The following UTP6 variants were observed in gnomAD, a reference collection of about 807,000 sequenced individuals.
UTP6 encodes UTP6 small subunit processome component.
UTP6 carries 60 observed loss-of-function variants against 96.5 expected under a neutral mutation model. The observed-to-expected ratio is 0.62, with a 90% CI of 0.51 to 0.77. The LOEUF (loss-of-function observed/expected upper bound fraction) is 0.77. UTP6 is among the 30% of genes least tolerant of loss of function. The probability of loss-of-function intolerance (pLI) is 0.00; values close to 1 mark genes in which losing one functional copy is unlikely to be tolerated. For missense variants in UTP6, 637 were observed against 706.5 expected (o/e 0.90, Z 1.12); for synonymous variants, 215 against 240.1 (o/e 0.90, Z 0.96).
intron 13 of UTP6, among the ~76,000 whole-genome samples, chr17:31,875,820 C>CAAAAAAAAA (rs1012799437): frequency 1.5e-5 from 1 of 65,810 alleles, no homozygotes; most frequent in African/African-American, 5.8e-5. Context: ...AACTCTATCT[C>CAAAAAAAAA]AAAAAAAAAA....
intron 6 of UTP6, among the ~76,000 whole-genome samples, chr17:31,890,854 G>A (rs1349037540): frequency 6.6e-6 from 1 of 151,536 alleles, no homozygotes; most frequent in African/African-American, 2.4e-5. Context: ...AGGCGTGGTG[G>A]TGCACATCTG....
intron 2 of UTP6, among the ~76,000 whole-genome samples, chr17:31,898,953 A>C (rs1317968017): frequency 6.7e-6 from 1 of 148,910 alleles, no homozygotes; most frequent in Non-Finnish European, 1.5e-5. Context: ...AATCACTAGA[A>C]CCCGGAAGGC....
At chr17:31,899,286 C>A (rs1904830919) in intron 2 of UTP6, among the ~76,000 whole-genome samples, 1 of 151,988 alleles carries the variant, frequency 6.6e-6, no homozygotes, top group Non-Finnish European at 1.5e-5. Flanking sequence ...GAAAGGCGAG[C>A]CCCTGCCTCA....
At position 31,892,787 on chromosome 17, in the gene UTP6, A is replaced by G; in HGVS notation, c.320T>C (p.Val107Ala). 6.2e-7 allele frequency: 1 copy of G among 1,614,154 alleles called. No homozygotes were observed. Among genetic ancestry groups the G allele is most frequent in the African/African-American group, 1.3e-5 (1 of 75,050 alleles). Residue 107 changes from valine to alanine, a missense_variant, in exon 5 of 19, where the codon GTT (valine) becomes GCT (alanine). By Grantham distance (64) the Val-to-Ala change is moderately conservative. Coordinates refer to ENST00000261708, the MANE Select transcript of UTP6 (RefSeq NM_018428.3). ...AGCCACATAGGAGAGCCAAAGTTGA[A>G]CATCGTCCTGCAAGAAAAGCAATGT... Reference protein sequence around the residue: ...QRASAKWKDDVQLWLSYVAFC... With the variant: ...QRASAKWKDDAQLWLSYVAFC...
intron 2 of UTP6, among the ~76,000 whole-genome samples, chr17:31,897,896 T>C (rs1904750372): frequency 6.6e-6 from 1 of 152,136 alleles, no homozygotes; most frequent in African/African-American, 2.4e-5. Context: ...ATTTACAAGA[T>C]GAAAAAATCT....
In UTP6 at chr17:31,880,735, C is replaced by G; in HGVS notation, c.805G>C (p.Asp269His). ...ACATAATCCCAAGTGAGAGGATCAT[C>G]TGTGTGTAGAGCCTGAAGGCTGAAA... ...IYDDLQALHT[D>H]DPLTWDYVAR... The change falls in exon 11 of 19, where the codon GAT becomes CAT. Residue 269 changes from aspartate to histidine, a missense_variant. By Grantham distance (81) the Asp-to-His change is moderately conservative. Transcript: ENST00000261708. 6.2e-7 allele frequency: 1 copy of G among 1,614,150 alleles called. No individual in the cohort carries two copies. Among genetic ancestry groups the G allele is most frequent in the South Asian group, 1.1e-5 (1 of 91,082 alleles).
intron 18 of UTP6, among the ~76,000 whole-genome samples, chr17:31,864,257 C>T (rs1252371985): frequency 2.6e-5 from 4 of 152,168 alleles, no homozygotes; most frequent in South Asian, 4.1e-4. Flanking sequence ...TGGTGGCACG[C>T]GTGCCTGTAC....
intron 1 of UTP6, 113 bp from the exon 2 acceptor site, chr17:31,899,843 C>T: frequency 1.3e-6 from 1 of 790,972 alleles, no homozygotes; most frequent in Non-Finnish European, 1.9e-6. Context: ...CTAGAGTTAT[C>T]TTTCATAAGA....
intron 10 of UTP6, among the ~76,000 whole-genome samples, chr17:31,881,987 T>A (rs1310496546): frequency 6.6e-6 from 1 of 152,032 alleles, no homozygotes; most frequent in Non-Finnish European, 1.5e-5. Context: ...CTAAAGAACT[T>A]TATTATAGCT....
chr17:31,870,516 T>G (rs536440670), intron 16 of UTP6, among the ~76,000 whole-genome samples: 126 of 140,362 alleles, frequency 9.0e-4, no homozygotes, highest in East Asian at 5.8e-3. Context: ...GTTGTTTTGG[T>G]TTTTTTTTTT....
At chr17:31,880,826 C>G in intron 10 of UTP6, 72 bp from the exon 11 acceptor site, 1 of 1,586,392 alleles carries the variant, frequency 6.3e-7, no homozygotes, top group Non-Finnish European at 8.6e-7. Flanking sequence ...AAACAGTTAC[C>G]TGTGCTTAAA....
At chr17:31,877,677 C>G (rs1339093064) in intron 13 of UTP6, among the ~76,000 whole-genome samples, 1 of 151,972 alleles carries the variant, frequency 6.6e-6, no homozygotes, top group Non-Finnish European at 1.5e-5. Context: ...ACTAAAAATA[C>G]AAAAATTTGG....
Position 31,862,306 on chromosome 17 carries a change from GAC to G in UTP6, c.*1051_*1052del, listed in dbSNP as rs897628801. 9 of 150,130 alleles carry G rather than the reference GAC, an allele frequency of 6.0e-5. No individual in the cohort carries two copies. The highest frequency in any genetic ancestry group is 5.3e-4 in the Admixed American group (8 of 15,068). The allele number at this position is 150,130 out of a possible 1,614,324, so 9.3% of individuals were successfully genotyped here. Reference sequence around the variant, plus strand: ...CAAGGCTCCATCTCAAAAAAAAAAAGACAGTCTAACCAGAGGATTAGTAAAAT... The same window carrying G: ...CAAGGCTCCATCTCAAAAAAAAAAAGAGTCTAACCAGAGGATTAGTAAAAT... On this transcript the variant is annotated 3_prime_UTR_variant, in exon 19 of 19. Transcript: ENST00000261708.
In UTP6 at chr17:31,886,052, C is replaced by G; in HGVS notation, c.631G>C (p.Asp211His). The G allele has an allele frequency of 6.2e-7, 1 of 1,613,224 alleles. No homozygotes were observed. Among genetic ancestry groups the G allele is most frequent in the Non-Finnish European group, 8.5e-7 (1 of 1,179,822 alleles). The stretch of plus-strand genomic sequence containing the variant: ...CCCTTAAGGATTTCTTCAGAATAAT[C>G]AGGATTCTCCTAAAGAGTGTTATAT... ...EKASMDVENP[D>H]YSEEILKGEL... The change falls in exon 9 of 19, where the codon GAT (aspartate) becomes CAT (histidine). Residue 211 changes from aspartate (D) to histidine (H), a missense_variant. Asp to His is a moderately conservative substitution (Grantham distance 81). Transcript: ENST00000261708.
intron 16 of UTP6, among the ~76,000 whole-genome samples, chr17:31,870,304 T>C (rs7209493): frequency 0.79 from 120,152 of 152,036 alleles, 47,964 homozygotes; most frequent in Non-Finnish European, 0.85. Flanking sequence ...TATATAAGGT[T>C]TACCCTGCAG....
chr17:31,870,994 T>G (rs1430397338), intron 16 of UTP6, among the ~76,000 whole-genome samples: 4 of 149,432 alleles, frequency 2.7e-5, no homozygotes, highest in Middle Eastern at 3.4e-3. Context: ...TAAGTTTTTT[T>G]TTTTTTTTTT....
chr17:31,865,585 G>GA lies in UTP6; in HGVS notation c.1564-148dup, dbSNP rs1314332869. ...ACAACTTGGCTCTCAACTTTTCTAG[G>GA]AAAAAAATCAAAGCCACTCAACAGA... On this transcript the variant is annotated intron_variant, in intron 17 of 18. Coordinates refer to ENST00000261708, the MANE Select transcript of UTP6 (RefSeq NM_018428.3). 5.6e-6 allele frequency: 4 copies of GA among 715,224 alleles called. No homozygotes were observed. The East Asian group carries it at 1.2e-4, about 21-fold the overall frequency. The allele number at this position is 715,224 out of a possible 1,614,324, so 44.3% of individuals were successfully genotyped here. A position where few individuals can be genotyped will look rare whatever the true frequency, so the allele number is the denominator to read the frequency against.
At chr17:31,894,252 C>T (rs539685342) in intron 4 of UTP6, among the ~76,000 whole-genome samples, 51 of 126,262 alleles carry the variant, frequency 4.0e-4, no homozygotes, top group African/African-American at 1.5e-3. Flanking sequence ...CTGGGCAACA[C>T]AGTGAGACCT....
At chr17:31,899,811 T>C (rs369867376) in intron 1 of UTP6, 81 bp from the exon 2 acceptor site, 4 of 1,065,878 alleles carry the variant, frequency 3.8e-6, no homozygotes, top group East Asian at 2.8e-5. Flanking sequence ...ATTTAAAACA[T>C]GTTTTTCAAA....
Sources: gnomAD v4.1 joint callset for allele counts (sites outside exome capture counted in the v4.1 genomes callset) on GRCh38, gnomAD v4.1.1 for gene constraint, MANE v1.5 for transcripts, NCBI Gene and HGNC (gene_info 2026-07-23, HGNC 2026-07-21) for gene names.